The following DOCK8 variants were observed in gnomAD, a reference collection of about 807,000 sequenced individuals.
The protein encoded by DOCK8 is dedicator of cytokinesis protein 8.
In DOCK8, 141 loss-of-function variants were observed where a neutral mutation model predicts 245.6. The observed-to-expected ratio is 0.57, with a 90% confidence interval of 0.50 to 0.66. The LOEUF (loss-of-function observed/expected upper bound fraction) is 0.66, where lower values mean the gene tolerates loss of function less well. Among genes scored for constraint, DOCK8 ranks in the 30% least tolerant of loss-of-function variants. The pLI is 0.00. For missense variants in DOCK8, 2,965 were observed against 2,603.4 expected (o/e 1.14, Z -3.02); for synonymous variants, 1,168 against 970.2 (o/e 1.20, Z -3.79).
At chr9:387,414 G>A (rs1490099469) in intron 23 of DOCK8, among the ~76,000 whole-genome samples, 1 of 150,076 alleles carries the variant, frequency 6.7e-6, no homozygotes, top group African/African-American at 2.5e-5. Flanking sequence ...CTGCACTCCA[G>A]CCTGGGCGAC....
intron 6 of DOCK8, among the ~76,000 whole-genome samples, chr9:316,413 G>A (rs945612427): frequency 7.2e-5 from 11 of 152,090 alleles, no homozygotes; most frequent in Non-Finnish European, 1.5e-4. Context: ...GTTTCTGTGC[G>A]GTAAAATAAA....
chr9:464,033 T>C, intron 47 of DOCK8, 126 bp from the exon 48 acceptor site: 2 of 853,812 alleles, frequency 2.3e-6, no homozygotes, highest in South Asian at 2.7e-5. Flanking sequence ...ATTTGCTGAG[T>C]TGTCCATGAC....
intron 4 of DOCK8, among the ~76,000 whole-genome samples, chr9:296,497 G>A (rs566144330): frequency 5.9e-5 from 9 of 152,276 alleles, no homozygotes; most frequent in Middle Eastern, 3.4e-3. Context: ...GGGTGATTAA[G>A]GTAATTCTGA....
chr9:214,677 G>A (rs369836093), upstream of DOCK8: 10 of 1,588,632 alleles, frequency 6.3e-6, no homozygotes, highest in African/African-American at 6.8e-5. Context: ...CGGCGGCCCC[G>A]GGCAGAGCGC....
intron 40 of DOCK8, among the ~76,000 whole-genome samples, chr9:440,432 C>T (rs1280278580): frequency 6.6e-6 from 1 of 152,134 alleles, no homozygotes; most frequent in Admixed American, 6.5e-5. Flanking sequence ...TATACTCATC[C>T]TTATTTTCCA....
At chr9:247,058 G>A (rs931279452) in intron 1 of DOCK8, among the ~76,000 whole-genome samples, 2 of 152,116 alleles carry the variant, frequency 1.3e-5, no homozygotes, top group African/African-American at 4.8e-5. Context: ...GATCACATGC[G>A]AGCTACAGAT....
chr9:392,448 C>G (rs1019672882), intron 24 of DOCK8, among the ~76,000 whole-genome samples: 3 of 152,322 alleles, frequency 2.0e-5, no homozygotes, highest in Middle Eastern at 3.4e-3. Flanking sequence ...ATCCTTGCCA[C>G]AGAACCACCT....
chr9:342,403 C>G (rs1233006441), intron 14 of DOCK8, among the ~76,000 whole-genome samples: 1 of 148,152 alleles, frequency 6.7e-6, no homozygotes, highest in African/African-American at 2.5e-5. Context: ...TTTTTAATGG[C>G]TTGCATTTTT....
At chr9:453,289 T>G (rs1303408585) in intron 46 of DOCK8, among the ~76,000 whole-genome samples, 1 of 152,278 alleles carries the variant, frequency 6.6e-6, no homozygotes, top group Non-Finnish European at 1.5e-5. Context: ...ACAGATTATC[T>G]TGATTAATGT....
intron 8 of DOCK8, among the ~76,000 whole-genome samples, chr9:327,491 T>A (rs1486719481): frequency 6.6e-6 from 1 of 151,804 alleles, no homozygotes; most frequent in Non-Finnish European, 1.5e-5. Flanking sequence ...CCTCCCGGGT[T>A]CAAGTGATCC....
intron 22 of DOCK8, 74 bp downstream of exon 22, chr9:382,759 CAG>C: frequency 6.4e-7 from 1 of 1,554,784 alleles, no homozygotes; most frequent in Non-Finnish European, 8.7e-7. Flanking sequence ...AGAAGTAACA[CAG>C]AAGCAACCAC....
intron 14 of DOCK8, among the ~76,000 whole-genome samples, chr9:361,231 G>C (rs905018763): frequency 3.9e-5 from 6 of 152,136 alleles, no homozygotes; most frequent in African/African-American, 1.2e-4. Flanking sequence ...TAGAGACTGG[G>C]AGAGTCTGAA....
chr9:311,385 T>C (rs7860815), intron 5 of DOCK8, among the ~76,000 whole-genome samples: 100,268 of 150,436 alleles, frequency 0.67, 34,850 homozygotes, highest in Admixed American at 0.79. Context: ...GCTAAGACTG[T>C]AGGTGCACGC....
At position 439,268 on chromosome 9, in the gene DOCK8, G is replaced by A. The variant is rs1459349740; in HGVS notation, c.5103G>A (p.Glu1701=). Reference sequence around the variant, plus strand: ...AGAATATTTCTTCCAATGTGCTGGAGGAGTCTGTGGTCTCTGAGGACACCC... The same window carrying A: ...AGAATATTTCTTCCAATGTGCTGGAAGAGTCTGTGGTCTCTGAGGACACCC... The part of the protein sequence containing the change: ...SFQNISSNVL[E]ESVVSEDTLS... The change falls in exon 40 of 48, where the codon GAG becomes GAA. Residue 1701 remains glutamate (E), a synonymous_variant. Coordinates refer to ENST00000432829, the MANE Select transcript of DOCK8 (RefSeq NM_203447.4). 1.2e-6 allele frequency: 2 copies of A among 1,614,070 alleles called. No homozygotes were observed. The highest frequency in any genetic ancestry group is 1.7e-6 in the Non-Finnish European group (2 of 1,180,038).
rs12342177 is a variant in DOCK8, at chr9:304,944, G to T, written c.528+240G>T. Reference sequence around the variant, plus strand: ...GAAAAAAGTGGAAAAGCTCTAACTGGGGGACAGAGACACCTTGGGCCCATC... The same window carrying T: ...GAAAAAAGTGGAAAAGCTCTAACTGTGGGACAGAGACACCTTGGGCCCATC... On this transcript the variant is annotated intron_variant, in intron 5 of 47. Transcript: ENST00000432829. Among the ~76,000 whole-genome samples, 622 of 101,466 alleles carry T rather than the reference G, an allele frequency of 6.1e-3. 3 individuals carry two copies. The highest frequency in any genetic ancestry group is 0.017 in the African/African-American group (597 of 34,796). 66.6% of individuals were successfully genotyped at this position (101,466 alleles called of 152,430 possible). A position where few individuals can be genotyped will look rare whatever the true frequency, so the allele number is the denominator to read the frequency against.
chr9:388,989 C>G (rs1287225727), intron 23 of DOCK8, among the ~76,000 whole-genome samples: 2 of 152,078 alleles, frequency 1.3e-5, no homozygotes, highest in Non-Finnish European at 2.9e-5. Context: ...GCTTTCTTAC[C>G]TACTTTCTTA....
At chr9:362,231 A>T (rs1226761930) in intron 14 of DOCK8, among the ~76,000 whole-genome samples, 1 of 152,208 alleles carries the variant, frequency 6.6e-6, no homozygotes, top group Non-Finnish European at 1.5e-5. Context: ...GGAATGGCCG[A>T]TGCATACGCA....
At chr9:400,036 ACCACCAC>A (rs2054708396) in intron 26 of DOCK8, among the ~76,000 whole-genome samples, 1 of 128,362 alleles carries the variant, frequency 7.8e-6, no homozygotes, top group African/African-American at 3.6e-5. Context: ...CACCATCACC[ACCACCAC>A]CTCCACCATC....
chr9:323,515 C>T (rs1040357343), intron 7 of DOCK8, among the ~76,000 whole-genome samples: 4 of 152,168 alleles, frequency 2.6e-5, no homozygotes, highest in Non-Finnish European at 5.9e-5. Flanking sequence ...GCCACTGCGC[C>T]TGGCCAAAAT....
Sources: allele counts gnomAD v4.1 joint callset (sites outside exome capture counted in the v4.1 genomes callset), GRCh38; gene constraint gnomAD v4.1.1; transcripts MANE v1.5; gene names NCBI Gene and HGNC (gene_info 2026-07-23, HGNC 2026-07-21).